The following CDK19 variants were observed in gnomAD, a reference collection of about 807,000 sequenced individuals.
The protein encoded by CDK19 is cyclin-dependent kinase 19.
Under a neutral mutation model 68.3 loss-of-function variants are expected in CDK19, and 20 were observed. The observed-to-expected ratio is 0.29, with a 90% CI of 0.21 to 0.43. CDK19 has a LOEUF of 0.43. Among genes scored for constraint, CDK19 ranks in the 20% least tolerant of loss-of-function variants. The pLI is 1.00. For synonymous variants in CDK19, 221 were observed against 222.8 expected, an observed-to-expected ratio of 0.99 and a Z score of 0.07; for missense variants, 339 against 623.5, an observed-to-expected ratio of 0.54 and a Z score of 4.86.
intron 4 of CDK19, among the ~76,000 whole-genome samples, chr6:110,656,933 C>T (rs926849830): frequency 6.6e-6 from 1 of 152,138 alleles, no homozygotes; most frequent in African/African-American, 2.4e-5. Flanking sequence ...TGGATTTATT[C>T]CTGTTCATTA....
At position 110,621,762 on chromosome 6, in the gene CDK19, C is replaced by T. The variant is rs1395115846; in HGVS notation, c.1110+326G>A. Among the ~76,000 whole-genome samples, 3 of 152,058 alleles carry T rather than the reference C, an allele frequency of 2.0e-5. No individual in the cohort carries two copies. Among genetic ancestry groups the T allele is most frequent in the Non-Finnish European group, 1.5e-5 (1 of 68,032 alleles). On this transcript the variant is annotated intron_variant, in intron 11 of 12. Transcript: ENST00000368911. The surrounding 1 kb of genome is among the most constrained non-coding windows in gnomAD (Gnocchi z 5.4). Reference sequence around the variant, plus strand: ...AGTGAGCCAATATATCCAGTTAAGACGAAAGAACAGAGTGATGCTAGCAAA... The same window carrying T: ...AGTGAGCCAATATATCCAGTTAAGATGAAAGAACAGAGTGATGCTAGCAAA...
In CDK19 at chr6:110,772,142, G is replaced by A. The variant is rs568103587; in HGVS notation, c.129-25941C>T. Among the ~76,000 whole-genome samples the A allele has an allele frequency of 4.1e-4, 62 of 152,070 alleles. 2 individuals carry two copies. Among genetic ancestry groups the A allele is most frequent in the Non-Finnish European group, 2.8e-4 (19 of 68,018 alleles). The stretch of plus-strand genomic sequence containing the variant: ...TGATACCAACTTACTATATTAGTCC[G>A]TTTTCATGCTGTTAATAAAGACATA... On this transcript the variant is annotated intron_variant, in intron 1 of 12. Coordinates refer to ENST00000368911, the MANE Select transcript of CDK19 (RefSeq NM_015076.5).
At chr6:110,793,525 A>G (rs927902541) in intron 1 of CDK19, among the ~76,000 whole-genome samples, 1 of 152,242 alleles carries the variant, frequency 6.6e-6, no homozygotes, top group Admixed American at 6.5e-5. Context: ...GGAGACAGTT[A>G]TAGTTCATAA....
intron 4 of CDK19, among the ~76,000 whole-genome samples, chr6:110,640,262 A>C (rs2114772228): frequency 6.6e-6 from 1 of 151,298 alleles, no homozygotes; most frequent in Non-Finnish European, 1.5e-5. Context: ...AAAAATCTGA[A>C]AAGGGCTCAT....
intron 1 of CDK19, among the ~76,000 whole-genome samples, chr6:110,755,668 T>A (rs17071997): frequency 0.14 from 21,981 of 151,822 alleles, 1,873 homozygotes; most frequent in East Asian, 0.32. Context: ...ATACAAGAGG[T>A]GAAAAAACAC....
intron 8 of CDK19, among the ~76,000 whole-genome samples, chr6:110,625,019 TA>T (rs1377658971): frequency 1.3e-5 from 2 of 152,226 alleles, no homozygotes; most frequent in African/African-American, 4.8e-5. Flanking sequence ...CCCTGGTATA[TA>T]AGAAGTACTC....
chr6:110,791,992 G>A (rs1030588434), intron 1 of CDK19, among the ~76,000 whole-genome samples: 3 of 146,294 alleles, frequency 2.1e-5, no homozygotes, highest in African/African-American at 7.6e-5. Flanking sequence ...TTTTTTTTGA[G>A]ACGGAGTCCC....
At chr6:110,813,900 T>A (rs999382492) in intron 1 of CDK19, 8 of 152,216 alleles carry the variant, frequency 5.3e-5, no homozygotes, top group African/African-American at 1.9e-4. Context: ...TTCCGTAGAG[T>A]TTGACTCTCT....
intron 7 of CDK19, 66 bp from the exon 8 acceptor site, chr6:110,626,911 A>G: frequency 7.3e-7 from 1 of 1,377,120 alleles, no homozygotes; most frequent in Non-Finnish European, 1.0e-6. Context: ...TAATTATGTT[A>G]GTTTATAAAT....
At chr6:110,737,972 T>C (rs921243877) in intron 2 of CDK19, among the ~76,000 whole-genome samples, 1 of 152,120 alleles carries the variant, frequency 6.6e-6, no homozygotes, top group African/African-American at 2.4e-5. Flanking sequence ...TTAGTTCTAT[T>C]CTCTTAACAC....
chr6:110,623,894 T>TGTATATATATACGTATATATATATAC (rs1778907750), intron 8 of CDK19, among the ~76,000 whole-genome samples: 2 of 104,108 alleles, frequency 1.9e-5, no homozygotes, highest in African/African-American at 7.1e-5. Context: ...TATATATGTG[T>TGTATATATATACGTATATATATATAC]GTGTATATAT....
intron 2 of CDK19, among the ~76,000 whole-genome samples, chr6:110,698,953 T>C (rs1030809904): frequency 6.0e-5 from 9 of 149,468 alleles, no homozygotes; most frequent in African/African-American, 2.2e-4. Flanking sequence ...TGTTAGGGGG[T>C]TGAGGTGGGA....
At chr6:110,617,642 T>A (rs1203631309) in intron 12 of CDK19, among the ~76,000 whole-genome samples, 4 of 129,190 alleles carry the variant, frequency 3.1e-5, no homozygotes, top group African/African-American at 6.0e-5. Flanking sequence ...ATAATAATAA[T>A]AAAATTATTT....
chr6:110,793,972 T>C (rs1271343663), intron 1 of CDK19, among the ~76,000 whole-genome samples: 1 of 152,206 alleles, frequency 6.6e-6, no homozygotes, highest in East Asian at 1.9e-4. Flanking sequence ...CAATATTGGT[T>C]TTTCTGTTGC....
At chr6:110,766,950 A>G (rs138522701) in intron 1 of CDK19, among the ~76,000 whole-genome samples, 1 of 152,052 alleles carries the variant, frequency 6.6e-6, no homozygotes, top group African/African-American at 2.4e-5. Flanking sequence ...CCTGGCCAAC[A>G]TGGTGAAACC....
intron 4 of CDK19, chr6:110,643,406 G>C (rs1259798466): frequency 3.2e-6 from 1 of 311,438 alleles, no homozygotes; most frequent in African/African-American, 2.2e-5. Context: ...ACATTATTAG[G>C]ATAGAACTGG....
At chr6:110,790,652 A>C (rs551669185) in intron 1 of CDK19, among the ~76,000 whole-genome samples, 2 of 149,572 alleles carry the variant, frequency 1.3e-5, no homozygotes, top group East Asian at 4.0e-4. Flanking sequence ...ATTTTATAGT[A>C]ATTATCATGA....
rs181190909 is a variant in CDK19 at position 110,804,412 on chromosome 6, G to A, written c.128+10597C>T. ...GGCTGGAGTGCAATGGCGCGATCTCGGCTCACTGAAACCTCTGCCTCCCGG... is the reference window on the plus strand; with the variant it reads ...GGCTGGAGTGCAATGGCGCGATCTCAGCTCACTGAAACCTCTGCCTCCCGG... On this transcript the variant is annotated intron_variant, in intron 1 of 12. Transcript: ENST00000368911. Among the ~76,000 whole-genome samples the A allele has an allele frequency of 9.0e-4, 136 of 151,662 alleles. 1 individual carries two copies. The East Asian group carries it at 0.012, about 13-fold the overall frequency.
chr6:110,625,165 C>T (rs1779007653), intron 8 of CDK19, among the ~76,000 whole-genome samples: 1 of 152,088 alleles, frequency 6.6e-6, no homozygotes, highest in Non-Finnish European at 1.5e-5. Context: ...TACCAGCAAC[C>T]TGAGCATCAC....
Sources: gnomAD v4.1 joint callset for allele counts (sites outside exome capture counted in the v4.1 genomes callset) on GRCh38, gnomAD v4.1.1 for gene constraint, Gnocchi (gnomAD v3.1) non-coding constraint, MANE v1.5 for transcripts, NCBI Gene and HGNC (gene_info 2026-07-23, HGNC 2026-07-21) for gene names.